NOTCH2: variants seen among roughly 807,000 people sequenced by gnomAD.
The protein encoded by NOTCH2 is neurogenic locus notch homolog protein 2.
A neutral mutation model predicts 235.8 loss-of-function variants in NOTCH2; 29 were observed. The observed-to-expected ratio is 0.12, with a 90% CI of 0.09 to 0.17. The LOEUF (loss-of-function observed/expected upper bound fraction) is 0.17. Ranked by LOEUF, NOTCH2 falls within the 10% of genes least tolerant of loss-of-function variation. The probability of loss-of-function intolerance (pLI) is 1.00; values close to 1 mark genes in which losing one functional copy is unlikely to be tolerated. For synonymous variants in NOTCH2, 1,086 were observed against 1,141.5 expected (o/e 0.95, Z 0.98); for missense variants, 2,285 against 3,150.2 (o/e 0.73, Z 6.57).
intron 26 of NOTCH2, among the ~76,000 whole-genome samples, chr1:119,923,387 T>C (rs2101158100): frequency 6.6e-6 from 1 of 152,344 alleles, no homozygotes; most frequent in South Asian, 2.1e-4. Flanking sequence ...CAAAAGGTTA[T>C]GGATTCTGGC....
At chr1:120,008,409 G>A (rs1570741533) in intron 2 of NOTCH2, among the ~76,000 whole-genome samples, 1 of 18,748 alleles carries the variant, frequency 5.3e-5, no homozygotes, top group East Asian at 8.1e-4. Context: ...ATTTTTAAAT[G>A]ATTAGAAAAA....
intron 31 of NOTCH2, 49 bp downstream of exon 31, chr1:119,919,263 A>G (rs1028172850): frequency 2.0e-6 from 3 of 1,518,052 alleles, no homozygotes; most frequent in African/African-American, 2.7e-5. Flanking sequence ...ATAAAACATT[A>G]TAGAGCCATA....
chr1:119,958,744 G>A (rs199778618), intron 12 of NOTCH2, among the ~76,000 whole-genome samples: 1 of 143,184 alleles, frequency 7.0e-6, no homozygotes, highest in East Asian at 2.2e-4. Context: ...GTGTGTGTCT[G>A]TGTGTGCGTG....
In NOTCH2 at chr1:119,987,071, T is replaced by A; in HGVS notation, c.763A>T (p.Ser255Cys). 6.2e-7 allele frequency: 1 copy of A among 1,613,498 alleles called. No individual in the cohort carries two copies. Among genetic ancestry groups the A allele is most frequent in the Non-Finnish European group, 8.5e-7 (1 of 1,179,602 alleles). ...TCATCAATATTCCTCTCACAGGTGC[T>A]CCCTTCAAAACCTGGTAAATGAAGA... ...ECNCLPGFEG[S>C]TCERNIDDCP... is the part of the protein sequence containing the mutation. Residue 255 changes from serine (S) to cysteine (C), a missense_variant, in exon 5 of 34, where the codon AGC (serine) becomes TGC (cysteine). Physicochemically the swap from Ser to Cys is moderately radical, Grantham distance 112. Around this residue, in one of 6 missense-constraint regions of NOTCH2, gnomAD observed 431 missense variants for 757.8 expected, o/e 0.57. Transcript: ENST00000256646.
At chr1:119,976,335 T>G (rs2101160628) in intron 5 of NOTCH2, 1 of 151,682 alleles carries the variant, frequency 6.6e-6, no homozygotes, top group Non-Finnish European at 1.5e-5. Context: ...AAGTTGGAGC[T>G]GAAGAACAAA....
intron 1 of NOTCH2, among the ~76,000 whole-genome samples, chr1:120,037,278 A>C (rs1288545393): frequency 6.7e-6 from 1 of 149,624 alleles, no homozygotes; most frequent in South Asian, 2.1e-4. Flanking sequence ...GCAAATTTCA[A>C]GTAGCAATAT....
intron 4 of NOTCH2, among the ~76,000 whole-genome samples, chr1:119,987,490 T>A (rs1553202367): frequency 6.6e-6 from 1 of 152,180 alleles, no homozygotes; most frequent in East Asian, 1.9e-4. Flanking sequence ...TAAGTTCCTT[T>A]TATTTTTTTT....
intron 5 of NOTCH2, among the ~76,000 whole-genome samples, chr1:119,974,129 C>T (rs587621691): frequency 6.6e-6 from 1 of 152,290 alleles, no homozygotes; most frequent in East Asian, 1.9e-4. Flanking sequence ...TTTGGTGAAA[C>T]AGGAGAGCTG....
intron 5 of NOTCH2, among the ~76,000 whole-genome samples, chr1:119,981,668 A>G (rs782421978): frequency 1.3e-5 from 2 of 152,118 alleles, no homozygotes; most frequent in Non-Finnish European, 2.9e-5. Context: ...CAACAGCGCC[A>G]CTAATCAACT....
chr1:120,024,005 G>T (rs587611423), intron 2 of NOTCH2, among the ~76,000 whole-genome samples: 1 of 152,066 alleles, frequency 6.6e-6, no homozygotes, highest in Non-Finnish European at 1.5e-5. Context: ...TACATTTTAA[G>T]AAAAGATTAC....
At chr1:119,988,469 C>A (rs1255716119) in intron 4 of NOTCH2, among the ~76,000 whole-genome samples, 1 of 152,078 alleles carries the variant, frequency 6.6e-6, no homozygotes, top group Non-Finnish European at 1.5e-5. Context: ...AAAATTTACT[C>A]AAATTTCAAA....
At chr1:119,988,162 A>G (rs1317133717) in intron 4 of NOTCH2, among the ~76,000 whole-genome samples, 1 of 152,124 alleles carries the variant, frequency 6.6e-6, no homozygotes, top group Non-Finnish European at 1.5e-5. Flanking sequence ...CTTTTGTGGC[A>G]TTTACAGCCT....
rs751079146 is a variant in NOTCH2 at position 119,915,928 on chromosome 1, T to C, written c.6794A>G (p.Asn2265Ser). ...NRMEVNETQY[N>S]EMFGMVLAPA... is the part of the protein sequence containing the mutation. ...AGCCAGGACCATACCAAACATCTCA[T>C]TGTACTGGGTCTCATTCACCTCCAT... is the stretch of plus-strand genomic sequence containing the variant. The change falls in exon 34 of 34, where the codon AAT (asparagine) becomes AGT (serine). Residue 2265 changes from asparagine to serine, a missense_variant. Asn to Ser is a conservative substitution (Grantham distance 46, BLOSUM62 1). Transcript: ENST00000256646. 7 of 1,614,014 alleles carry C rather than the reference T, an allele frequency of 4.3e-6. No homozygotes were observed. Among genetic ancestry groups the C allele is most frequent in the South Asian group, 3.3e-5 (3 of 91,082 alleles).
chr1:119,927,489 G>A (rs1353112454), intron 23 of NOTCH2, among the ~76,000 whole-genome samples: 1 of 152,132 alleles, frequency 6.6e-6, no homozygotes, highest in Admixed American at 6.5e-5. Flanking sequence ...CTCTGCAACA[G>A]CATCCCACAA....
At chr1:119,983,101 TTA>T (rs1231448930) in intron 5 of NOTCH2, among the ~76,000 whole-genome samples, 1 of 152,198 alleles carries the variant, frequency 6.6e-6, no homozygotes, top group Admixed American at 6.5e-5. Flanking sequence ...AATTTTAATA[TTA>T]TGTTATATTT....
intron 3 of NOTCH2, among the ~76,000 whole-genome samples, chr1:120,004,177 G>C (rs1198502148): frequency 6.6e-6 from 1 of 152,088 alleles, no homozygotes. Flanking sequence ...CCAGGTGAGA[G>C]ATAACATGGC....
chr1:119,988,130 G>C (rs1422459514), intron 4 of NOTCH2, among the ~76,000 whole-genome samples: 2 of 152,114 alleles, frequency 1.3e-5, no homozygotes, highest in African/African-American at 4.8e-5. Context: ...TTAGGCACTG[G>C]TGATACAGCA....
chr1:119,958,247 T>C (rs1254036530), intron 12 of NOTCH2, among the ~76,000 whole-genome samples: 1 of 152,198 alleles, frequency 6.6e-6, no homozygotes, highest in African/African-American at 2.4e-5. Context: ...GCATTGGGTA[T>C]GACAGTTTTC....
chr1:119,932,146 A>G (rs1460181596), intron 22 of NOTCH2, among the ~76,000 whole-genome samples: 2 of 152,098 alleles, frequency 1.3e-5, no homozygotes, highest in Non-Finnish European at 2.9e-5. Flanking sequence ...ATAAATGCAC[A>G]TATTATCCAA....
Sources: gnomAD v4.1 joint callset for allele counts (sites outside exome capture counted in the v4.1 genomes callset) on GRCh38, gnomAD v4.1.1 for gene constraint, gnomAD v4.1.1 regional missense constraint, MANE v1.5 for transcripts, NCBI Gene and HGNC (gene_info 2026-07-23, HGNC 2026-07-21) for gene names.